The following CNTNAP2 variants were observed in gnomAD, a reference collection of about 807,000 sequenced individuals.
CNTNAP2 encodes the protein contactin associated protein 2.
A neutral mutation model predicts 155.2 loss-of-function variants in CNTNAP2; 98 were observed. The ratio of observed to expected loss-of-function variants is 0.63; its 90% confidence interval spans 0.54 to 0.75. CNTNAP2 has a LOEUF of 0.75. Ranked by LOEUF, CNTNAP2 falls within the 30% of genes least tolerant of loss-of-function variation. CNTNAP2 has a pLI of 0.00. For missense variants in CNTNAP2, 1,727 were observed against 1,688.1 expected, an observed-to-expected ratio of 1.02 and a Z score of -0.40; for synonymous variants, 651 against 631.2, an observed-to-expected ratio of 1.03 and a Z score of -0.47.
At chr7:146,722,857 A>G (rs550247139) in intron 1 of CNTNAP2, among the ~76,000 whole-genome samples, 2 of 152,076 alleles carry the variant, frequency 1.3e-5, no homozygotes, top group Non-Finnish European at 2.9e-5. Context: ...TCTACTAAAA[A>G]TACAAAAATT....
chr7:147,082,844 T>C (rs534173217), intron 4 of CNTNAP2: 1 of 152,202 alleles, frequency 6.6e-6, no homozygotes, highest in South Asian at 2.1e-4. Flanking sequence ...TGGGAGCCAT[T>C]TGGGAGCCAT....
At chr7:146,952,151 C>A (rs958864259) in intron 3 of CNTNAP2, among the ~76,000 whole-genome samples, 1 of 152,114 alleles carries the variant, frequency 6.6e-6, no homozygotes, top group African/African-American at 2.4e-5. Flanking sequence ...CATAATCCAT[C>A]ACATAAACAG....
chr7:148,309,717 C>A (rs190755192), intron 21 of CNTNAP2, among the ~76,000 whole-genome samples: 11 of 152,174 alleles, frequency 7.2e-5, no homozygotes, highest in African/African-American at 2.7e-4. Context: ...GCCATTTTCA[C>A]TTCTTTTGTG....
chr7:147,390,972 G>A (rs1189375413), intron 9 of CNTNAP2, among the ~76,000 whole-genome samples: 1 of 151,998 alleles, frequency 6.6e-6, no homozygotes, highest in Admixed American at 6.6e-5. Context: ...TAGGCCATCT[G>A]CTCAAATTCC....
chr7:146,924,681 G>A (rs541418946), intron 3 of CNTNAP2, among the ~76,000 whole-genome samples: 1 of 151,978 alleles, frequency 6.6e-6, no homozygotes, highest in Non-Finnish European at 1.5e-5. Context: ...GAAGTCAGAT[G>A]ATCTTACCTA....
At chr7:147,523,587 C>A (rs147240358) in intron 11 of CNTNAP2, among the ~76,000 whole-genome samples, 2 of 152,304 alleles carry the variant, frequency 1.3e-5, no homozygotes, top group African/African-American at 4.8e-5. Context: ...AGAATTTCCT[C>A]TTCCAGGAAG....
At chr7:146,162,206 A>G (rs1335782002) in intron 1 of CNTNAP2, among the ~76,000 whole-genome samples, 2 of 152,204 alleles carry the variant, frequency 1.3e-5, no homozygotes, top group Admixed American at 6.5e-5. Context: ...AAAATAAACT[A>G]CCATCAGAGT....
intron 15 of CNTNAP2, among the ~76,000 whole-genome samples, chr7:148,079,214 G>A (rs1272296115): frequency 6.6e-6 from 1 of 152,152 alleles, no homozygotes; most frequent in Non-Finnish European, 1.5e-5. Flanking sequence ...GCTACAGCTT[G>A]GTTTTATACA....
chr7:146,549,456 T>C (rs924862840), intron 1 of CNTNAP2, among the ~76,000 whole-genome samples: 8 of 152,070 alleles, frequency 5.3e-5, no homozygotes, highest in Non-Finnish European at 1.2e-4. Flanking sequence ...TTAAAAGTTA[T>C]TGAAAACCAT....
chr7:147,971,160 A>G (rs761142342), intron 14 of CNTNAP2, among the ~76,000 whole-genome samples: 4 of 152,218 alleles, frequency 2.6e-5, no homozygotes, highest in African/African-American at 4.8e-5. Context: ...CACCAAAGCC[A>G]GGAAATACAC....
intron 1 of CNTNAP2, among the ~76,000 whole-genome samples, chr7:146,295,151 A>G (rs1800492480): frequency 6.6e-6 from 1 of 152,166 alleles, no homozygotes; most frequent in Admixed American, 6.6e-5. Context: ...ATTTTAGCCA[A>G]CTATGGAACG....
At chr7:148,166,436 G>C (rs1053986051) in intron 17 of CNTNAP2, among the ~76,000 whole-genome samples, 1 of 151,958 alleles carries the variant, frequency 6.6e-6, no homozygotes, top group African/African-American at 2.4e-5. Flanking sequence ...TTGGGCAAAA[G>C]TACTCAGGAA....
intron 10 of CNTNAP2, among the ~76,000 whole-genome samples, chr7:147,408,177 C>A (rs184143850): frequency 6.6e-6 from 1 of 152,320 alleles, no homozygotes; most frequent in Admixed American, 6.5e-5. Context: ...AAAGCACACA[C>A]ACACACATAC....
chr7:147,004,145 T>C (rs1039641503), intron 3 of CNTNAP2, among the ~76,000 whole-genome samples: 2 of 145,324 alleles, frequency 1.4e-5, no homozygotes, highest in Admixed American at 1.4e-4. Context: ...TTTGGTTAGA[T>C]GTACAAAAAA....
intron 14 of CNTNAP2, among the ~76,000 whole-genome samples, chr7:147,918,304 T>C (rs377395533): frequency 6.6e-6 from 1 of 152,182 alleles, no homozygotes; most frequent in African/African-American, 2.4e-5. Flanking sequence ...GAGAATCCGG[T>C]TTTTTGTATG....
chr7:146,570,899 A>G (rs1183988339), intron 1 of CNTNAP2, among the ~76,000 whole-genome samples: 1 of 152,138 alleles, frequency 6.6e-6, no homozygotes, highest in Admixed American at 6.5e-5. Context: ...ATTTAGTCAC[A>G]AAATACTGAA....
At chr7:146,663,587 C>T (rs1800134284) in intron 1 of CNTNAP2, among the ~76,000 whole-genome samples, 1 of 152,014 alleles carries the variant, frequency 6.6e-6, no homozygotes, top group African/African-American at 2.4e-5. Context: ...TTTAAGCCCA[C>T]ATATTTTGTA....
chr7:147,689,105 A>T (rs1265258032), intron 13 of CNTNAP2, among the ~76,000 whole-genome samples: 1 of 150,922 alleles, frequency 6.6e-6, no homozygotes, highest in Non-Finnish European at 1.5e-5. Flanking sequence ...GAAGTATTAC[A>T]GGATTTTTTT....
rs562174924 is a variant in CNTNAP2, at chr7:148,162,932, C to T, written c.2774-9310C>T. Among the ~76,000 whole-genome samples, 5 of 152,318 alleles carry T rather than the reference C, an allele frequency of 3.3e-5. No homozygotes were observed. In the South Asian group the frequency reaches 1.0e-3, roughly 32 times the overall value. ...GGAGGATTGCTTGAGCTCAGGAGGT[C>T]AAGGCTGCAGTGAACCATGATTGCG... is the stretch of plus-strand genomic sequence containing the variant. On this transcript the variant is annotated intron_variant, in intron 17 of 23. Coordinates refer to ENST00000361727, the MANE Select transcript of CNTNAP2 (RefSeq NM_014141.6).
Sources: allele counts gnomAD v4.1 joint callset (sites outside exome capture counted in the v4.1 genomes callset), GRCh38; gene constraint gnomAD v4.1.1; transcripts MANE v1.5; gene names NCBI Gene and HGNC (gene_info 2026-07-23, HGNC 2026-07-21).